Variants in SCUBE3 observed in about 807,000 individuals in gnomAD.
SCUBE3 encodes signal peptide, CUB and EGF-like domain-containing protein 3.
SCUBE3 carries 33 observed loss-of-function variants against 116.8 expected under a neutral mutation model. That is an observed-to-expected ratio of 0.28 (90% CI 0.21 to 0.38). The LOEUF (loss-of-function observed/expected upper bound fraction) is 0.38. Ranked by LOEUF, SCUBE3 falls within the 10% of genes least tolerant of loss-of-function variation. SCUBE3 has a pLI of 1.00. For missense variants in SCUBE3, 1,007 were observed against 1,324.8 expected, an observed-to-expected ratio of 0.76 and a Z score of 3.72; for synonymous variants, 418 against 496.9, an observed-to-expected ratio of 0.84 and a Z score of 2.11.
rs1179669873 is a variant in SCUBE3, at chr6:35,233,179, G to A, written c.596-6G>A. The A allele has an allele frequency of 3.1e-6, 5 of 1,605,252 alleles. No individual in the cohort carries two copies. In the African/African-American group the frequency reaches 5.4e-5, roughly 17 times the overall value. ...GCTGACAGGGCCCTGTCCTCTCTGT[G>A]CACAGTGACATGCAACTATGGTAAC... On this transcript the variant is annotated splice_polypyrimidine_tract_variant and splice_region_variant and intron_variant, in intron 5 of 21. Coordinates refer to ENST00000274938, the MANE Select transcript of SCUBE3 (RefSeq NM_152753.4). This position sits in a 1 kb window ranked among gnomAD's most constrained non-coding sequence, Gnocchi z 5.7.
intron 1 of SCUBE3, chr6:35,221,839 A>G (rs148580204): frequency 2.4e-4 from 36 of 152,376 alleles, no homozygotes; most frequent in Admixed American, 1.6e-3. Flanking sequence ...AGGTGACCAG[A>G]GAGCCTGACA....
rs1254607810 is a variant in SCUBE3 at position 35,219,706 on chromosome 6, G to C, written c.85+5203G>C. On this transcript the variant is annotated intron_variant, in intron 1 of 21. Coordinates refer to ENST00000274938, the MANE Select transcript of SCUBE3 (RefSeq NM_152753.4). The surrounding 1 kb of genome is among the most constrained non-coding windows in gnomAD (Gnocchi z 4.7). Reference sequence around the variant, plus strand: ...TCAGGATATGTGGGCATTGGGGGGAGGGCTGGGGAAGGGGAGTGCTTGAAG... The same window carrying C: ...TCAGGATATGTGGGCATTGGGGGGACGGCTGGGGAAGGGGAGTGCTTGAAG... Among the ~76,000 whole-genome samples, 1 of 152,168 alleles carries C rather than the reference G, an allele frequency of 6.6e-6. No homozygotes were observed. The highest frequency in any genetic ancestry group is 2.4e-5 in the African/African-American group (1 of 41,426).
chr6:35,230,704 GC>G (rs1420107170), intron 3 of SCUBE3, among the ~76,000 whole-genome samples: 2 of 152,234 alleles, frequency 1.3e-5, no homozygotes, highest in Non-Finnish European at 2.9e-5. Flanking sequence ...CATCTCTTGG[GC>G]AAGAGCCAGC....
rs1480483057 is a variant in SCUBE3 at position 35,231,747 on chromosome 6, C to A, written c.357C>A (p.Gly119=). Residue 119 remains glycine (G), a synonymous_variant, in exon 4 of 22, where the codon GGC becomes GGA. Coordinates refer to ENST00000274938, the MANE Select transcript of SCUBE3 (RefSeq NM_152753.4). This position sits in a 1 kb window ranked among gnomAD's most constrained non-coding sequence, Gnocchi z 4.2. The stretch of plus-strand genomic sequence containing the variant: ...CAGATGTGGACGAGTGTGCCGAGGG[C>A]AACGGCGGCTGTCAGCAGAGCTGTG... ...NCLDVDECAE[G]NGGCQQSCVN... 1 of 1,613,018 alleles carries A rather than the reference C, an allele frequency of 6.2e-7. No individual in the cohort carries two copies. Among genetic ancestry groups the A allele is most frequent in the Non-Finnish European group, 8.5e-7 (1 of 1,179,176 alleles).
rs1783376389 is a variant in SCUBE3, at chr6:35,227,526, AC to A, written c.86-50del. On this transcript the variant is annotated intron_variant, in intron 1 of 21. Transcript: ENST00000274938. ...GCCCTTGGAAGCCCACCTTCAAGAC[AC>A]CCCTTAAGAGGTGCCAACAGAGGTT... The A allele has an allele frequency of 3.1e-6, 5 of 1,604,408 alleles. No homozygotes were observed. In the East Asian group the frequency reaches 1.1e-4, roughly 36 times the overall value.
intron 13 of SCUBE3, 135 bp from the exon 14 acceptor site, chr6:35,242,487 C>T (rs1784117143): frequency 1.1e-6 from 1 of 942,816 alleles, no homozygotes; most frequent in Non-Finnish European, 1.7e-6. Context: ...TATTCCCCTC[C>T]ACCAACTAAT....
Position 35,249,645 on chromosome 6 carries a change from C to A in SCUBE3, c.*940C>A, listed in dbSNP as rs928960267. 1.3e-5 allele frequency: 2 copies of A among 152,514 alleles called. No individual in the cohort carries two copies. The highest frequency in any genetic ancestry group is 4.8e-5 in the African/African-American group (2 of 41,458). The allele number at this position is 152,514 out of a possible 1,614,324, so 9.4% of individuals were successfully genotyped here. A position where few individuals can be genotyped will look rare whatever the true frequency, so the allele number is the denominator to read the frequency against. ...TGATGCTCCCTGGGGGAGCCCTACT[C>A]CCCTTGCTACATGTTGTCCTTAAAC... On this transcript the variant is annotated 3_prime_UTR_variant, in exon 22 of 22. Coordinates refer to ENST00000274938, the MANE Select transcript of SCUBE3 (RefSeq NM_152753.4).
At chr6:35,242,063 A>G in intron 12 of SCUBE3, 141 bp from the exon 13 acceptor site, 1 of 838,424 alleles carries the variant, frequency 1.2e-6, no homozygotes. Flanking sequence ...CCTCTGCCCT[A>G]ACATCTGATC....
In SCUBE3 at chr6:35,241,085, C is replaced by T; in HGVS notation, c.1070-56C>T. The T allele has an allele frequency of 1.3e-6, 2 of 1,543,014 alleles. No homozygotes were observed. The highest frequency in any genetic ancestry group is 1.8e-6 in the Non-Finnish European group (2 of 1,134,342). ...AAGGCCCTCACTCACTGCCTACTCTCCGGCTCCTCCTCCAACTCCATCGTT... is the reference window on the plus strand; with the variant it reads ...AAGGCCCTCACTCACTGCCTACTCTTCGGCTCCTCCTCCAACTCCATCGTT... On this transcript the variant is annotated intron_variant, in intron 9 of 21. Transcript: ENST00000274938. The surrounding 1 kb of genome is among the most constrained non-coding windows in gnomAD (Gnocchi z 4.1).
Position 35,245,271 on chromosome 6 carries a change from T to G in SCUBE3, c.2445T>G (p.Ile815Met), listed in dbSNP as rs1374278206. Residue 815 changes from isoleucine to methionine, a missense_variant, in exon 19 of 22, where the codon ATT becomes ATG. This residue lies in a region of SCUBE3 where 544 missense variants were observed against 638.9 expected (regional missense o/e 0.85). Transcript: ENST00000274938. The surrounding 1 kb of genome is among the most constrained non-coding windows in gnomAD (Gnocchi z 4.2). Reference protein sequence around the residue: ...GGELGEFTGYIESPNYPGNYP... With the variant: ...GGELGEFTGYMESPNYPGNYP... ...AGCTGGGTGAGTTCACTGGCTATAT[T>G]GAGTCCCCCAACTACCCGGGCAACT... is the stretch of plus-strand genomic sequence containing the variant. The G allele has an allele frequency of 1.2e-6, 2 of 1,614,144 alleles. No individual in the cohort carries two copies. The highest frequency in any genetic ancestry group is 8.5e-7 in the Non-Finnish European group (1 of 1,180,032).
chr6:35,224,094 G>A (rs1007421219), intron 1 of SCUBE3: 8 of 152,260 alleles, frequency 5.3e-5, no homozygotes, highest in African/African-American at 1.9e-4. Flanking sequence ...GAGCTGGAAT[G>A]GAAAGCTGAG....
chr6:35,246,047 C>G lies in SCUBE3; in HGVS notation c.2703C>G (p.Ser901Arg). The change falls in exon 20 of 22, where the codon AGC becomes AGG. Residue 901 changes from serine to arginine, a missense_variant. Physicochemically the swap from Ser to Arg is moderately radical, Grantham distance 110. This residue lies in a region of SCUBE3 where 118 missense variants were observed against 196.6 expected (regional missense o/e 0.60). Coordinates refer to ENST00000274938, the MANE Select transcript of SCUBE3 (RefSeq NM_152753.4). ...AGCTCTGGATCAACTTCAAGACAAG[C>G]GAGGCCAACAGCGCCCGTGGCTTCC... ...SRKLWINFKTSEANSARGFQI... is the reference protein window; with the variant it reads ...SRKLWINFKTREANSARGFQI... 1 of 1,614,126 alleles carries G rather than the reference C, an allele frequency of 6.2e-7. No homozygotes were observed. The highest frequency in any genetic ancestry group is 8.5e-7 in the Non-Finnish European group (1 of 1,180,012).
At chr6:35,217,480 G>A (rs1397476297) in intron 1 of SCUBE3, among the ~76,000 whole-genome samples, 2 of 151,224 alleles carry the variant, frequency 1.3e-5, no homozygotes, top group Non-Finnish European at 2.9e-5. Context: ...CCCCATCCCT[G>A]GGACTGAGAG....
chr6:35,241,737 C>T lies in SCUBE3; in HGVS notation c.1313-69C>T. ...GGCCGTTCAGGCAGCTCCTTCATTCCCCCTGGATTCCTCCAGCCAGCGGGG... is the reference window on the plus strand; with the variant it reads ...GGCCGTTCAGGCAGCTCCTTCATTCTCCCTGGATTCCTCCAGCCAGCGGGG... On this transcript the variant is annotated intron_variant, in intron 11 of 21. Transcript: ENST00000274938. The surrounding 1 kb of genome is among the most constrained non-coding windows in gnomAD (Gnocchi z 4.1). The T allele has an allele frequency of 6.7e-7, 1 of 1,502,006 alleles. No homozygotes were observed. Among genetic ancestry groups the T allele is most frequent in the Middle Eastern group, 1.7e-4 (1 of 5,834 alleles). 93.0% of individuals were successfully genotyped at this position (1,502,006 alleles called of 1,614,324 possible). A position where few individuals can be genotyped will look rare whatever the true frequency, so the allele number is the denominator to read the frequency against.
chr6:35,242,205 G>A lies in SCUBE3; in HGVS notation c.1419G>A (p.Glu473=), dbSNP rs1581945206. ...GCTGAGTTTCTACCATCCCTCTAGA[G>A]GCTGCAGTGCTGTCCATTAAACAAC... ...GNSTNSNHCH[E]AAVLSIKQRA... is the part of the protein sequence containing the mutation. The change falls in exon 13 of 22, where the codon GAG becomes GAA. Residue 473 remains glutamate, a splice_region_variant and synonymous_variant. Coordinates refer to ENST00000274938, the MANE Select transcript of SCUBE3 (RefSeq NM_152753.4). 2 of 1,609,194 alleles carry A rather than the reference G, an allele frequency of 1.2e-6. No homozygotes were observed. The highest frequency in any genetic ancestry group is 1.7e-6 in the Non-Finnish European group (2 of 1,175,604).
rs755256778 is a variant in SCUBE3 at position 35,246,220 on chromosome 6, C to T, written c.2767C>T (p.Leu923=). 14 of 1,613,968 alleles carry T rather than the reference C, an allele frequency of 8.7e-6. No individual in the cohort carries two copies. The highest frequency in any genetic ancestry group is 4.0e-5 in the African/African-American group (3 of 74,910). The part of the protein sequence containing the change: ...YVTYDEDYEQ[L]VEDIVRDGRL... ...TGACTTTGCAGAGGACTATGAGCAGCTGGTAGAAGACATTGTGCGAGATGG... is the reference window on the plus strand; with the variant it reads ...TGACTTTGCAGAGGACTATGAGCAGTTGGTAGAAGACATTGTGCGAGATGG... Residue 923 remains leucine, a synonymous_variant, in exon 21 of 22, where the codon CTG becomes TTG. Coordinates refer to ENST00000274938, the MANE Select transcript of SCUBE3 (RefSeq NM_152753.4).
At position 35,245,460 on chromosome 6, in the gene SCUBE3, A is replaced by G. The variant is rs1313215561; in HGVS notation, c.2599+35A>G. 8.3e-6 allele frequency: 13 copies of G among 1,563,538 alleles called. No individual in the cohort carries two copies. The highest frequency in any genetic ancestry group is 1.1e-5 in the Non-Finnish European group (12 of 1,134,086). On this transcript the variant is annotated intron_variant, in intron 19 of 21. Transcript: ENST00000274938. This position sits in a 1 kb window ranked among gnomAD's most constrained non-coding sequence, Gnocchi z 4.2. ...TTGCAGAGCTGGGCCAGGGAAGGGC[A>G]GTCCAAATCTGGTTAAGGCGGAGAA... is the stretch of plus-strand genomic sequence containing the variant.
chr6:35,240,635 G>T lies in SCUBE3; in HGVS notation c.1069+145G>T. The T allele has an allele frequency of 1.9e-6, 1 of 536,506 alleles. No individual in the cohort carries two copies. The highest frequency in any genetic ancestry group is 2.9e-5 in the South Asian group (1 of 34,220). The allele number at this position is 536,506 out of a possible 1,614,324, so 33.2% of individuals were successfully genotyped here. A position where few individuals can be genotyped will look rare whatever the true frequency, so the allele number is the denominator to read the frequency against. On this transcript the variant is annotated intron_variant, in intron 9 of 21. Transcript: ENST00000274938. This position sits in a 1 kb window ranked among gnomAD's most constrained non-coding sequence, Gnocchi z 4.6. Reference sequence around the variant, plus strand: ...CTGCATCCGCTGTGACAAAATAGGAGGAATTAAGACAGCTTTTGAAGAACT... The same window carrying T: ...CTGCATCCGCTGTGACAAAATAGGATGAATTAAGACAGCTTTTGAAGAACT...
chr6:35,247,282 C>G (rs1027243483), intron 21 of SCUBE3, among the ~76,000 whole-genome samples: 1 of 150,982 alleles, frequency 6.6e-6, no homozygotes, highest in East Asian at 2.0e-4. Flanking sequence ...TAAAAAAATA[C>G]AAAAAATTAG....
Sources: allele counts gnomAD v4.1 joint callset (sites outside exome capture counted in the v4.1 genomes callset), GRCh38; gene constraint gnomAD v4.1.1; regional missense constraint gnomAD v4.1.1; non-coding constraint Gnocchi (gnomAD v3.1); transcripts MANE v1.5; gene names NCBI Gene and HGNC (gene_info 2026-07-23, HGNC 2026-07-21).